LMO3: variants seen among roughly 807,000 people sequenced by gnomAD.
LMO3 encodes LIM domain only protein 3.
In LMO3, 2 loss-of-function variants were observed where a neutral mutation model predicts 15.8. The observed-to-expected ratio is 0.13, with a 90% confidence interval of 0.05 to 0.40. LMO3 has a LOEUF of 0.40. Ranked by LOEUF, LMO3 falls within the 10% of genes least tolerant of loss-of-function variation. The probability of loss-of-function intolerance (pLI) is 0.99; values close to 1 mark genes in which losing one functional copy is unlikely to be tolerated. For synonymous variants in LMO3, 62 were observed against 63.8 expected (o/e 0.97, Z 0.13); for missense variants, 86 against 182.2 (o/e 0.47, Z 3.04).
chr12:16,583,106 C>T (rs1943217045), intron 2 of LMO3, among the ~76,000 whole-genome samples: 2 of 150,258 alleles, frequency 1.3e-5, no homozygotes, highest in South Asian at 2.1e-4. Context: ...CAGTAGAAAG[C>T]TTTTAAAGAG....
At chr12:16,601,059 C>T (rs1943807797) in intron 1 of LMO3, among the ~76,000 whole-genome samples, 191 bp from the exon 2 acceptor site, 1 of 152,080 alleles carries the variant, frequency 6.6e-6, no homozygotes, top group Non-Finnish European at 1.5e-5. Context: ...TTAAATCATT[C>T]AAAAAGTTAC....
chr12:16,603,901 A>G lies in LMO3; in HGVS notation c.-9+2165T>C, dbSNP rs1352260877. Reference sequence around the variant, plus strand: ...GACACAGTCTTACATTTTTGGACTAACTACACAGAGTGAATAGAAAACATT... The same window carrying G: ...GACACAGTCTTACATTTTTGGACTAGCTACACAGAGTGAATAGAAAACATT... On this transcript the variant is annotated intron_variant, in intron 1 of 3. Transcript: ENST00000537304. This position sits in a 1 kb window ranked among gnomAD's most constrained non-coding sequence, Gnocchi z 4.9. Among the ~76,000 whole-genome samples, 1 of 152,172 alleles carries G rather than the reference A, an allele frequency of 6.6e-6. No homozygotes were observed. The highest frequency in any genetic ancestry group is 1.5e-5 in the Non-Finnish European group (1 of 68,036).
chr12:16,571,822 T>C (rs1942821172), intron 2 of LMO3, among the ~76,000 whole-genome samples: 1 of 152,072 alleles, frequency 6.6e-6, no homozygotes, highest in South Asian at 2.1e-4. Context: ...AAATCTGACT[T>C]AGTTTTCAGA....
At chr12:16,605,938 C>G in intron 1 of LMO3, 128 bp downstream of exon 1, 3 of 934,224 alleles carry the variant, frequency 3.2e-6, no homozygotes, top group Non-Finnish European at 4.9e-6. Context: ...GGTTGCAGCT[C>G]CAGTTTATGC....
Position 16,598,139 on chromosome 12 carries a change from T to C in LMO3, c.206+2516A>G, listed in dbSNP as rs1012774088. The C allele has an allele frequency of 2.8e-4, 42 of 152,174 alleles. No individual in the cohort carries two copies. The highest frequency in any genetic ancestry group is 8.9e-4 in the African/African-American group (37 of 41,568). 9.4% of individuals were successfully genotyped at this position (152,174 alleles called of 1,614,324 possible). ...ATTTACCATACAGAATCAGACTATT[T>C]TAATTTGCCAATCAGAGACATATGC... is the stretch of plus-strand genomic sequence containing the variant. On this transcript the variant is annotated intron_variant, in intron 2 of 3. Coordinates refer to ENST00000537304, the MANE Select transcript of LMO3 (RefSeq NM_018640.5). The surrounding 1 kb of genome is among the most constrained non-coding windows in gnomAD (Gnocchi z 4.3).
chr12:16,567,327 A>G (rs1472463963), intron 2 of LMO3: 4 of 154,682 alleles, frequency 2.6e-5, no homozygotes, highest in African/African-American at 9.6e-5. Context: ...GATGCCTACT[A>G]CGTGCAAGGT....
At chr12:16,569,537 G>A (rs532625802) in intron 2 of LMO3, among the ~76,000 whole-genome samples, 144 of 152,122 alleles carry the variant, frequency 9.5e-4, no homozygotes, top group Non-Finnish European at 1.7e-3. Flanking sequence ...TGCTATTTAT[G>A]ATCAGCACAG....
chr12:16,573,827 T>C (rs1365036406), intron 2 of LMO3: 1 of 152,004 alleles, frequency 6.6e-6, no homozygotes, highest in Admixed American at 6.6e-5. Context: ...ACGTTAAGTG[T>C]CGAAATCAAG....
intron 2 of LMO3, among the ~76,000 whole-genome samples, chr12:16,583,317 T>A (rs78218095): frequency 0.12 from 17,609 of 151,672 alleles, 2,175 homozygotes; most frequent in African/African-American, 0.31. Flanking sequence ...TCTTTTTTTT[T>A]AAAAAAATTA....
chr12:16,600,529 G>A, intron 2 of LMO3, 126 bp downstream of exon 2: 1 of 762,630 alleles, frequency 1.3e-6, no homozygotes, highest in Non-Finnish European at 2.1e-6. Context: ...TTTGAAGGCT[G>A]ACAGGTAACT....
intron 2 of LMO3, chr12:16,600,433 GGCA>G: frequency 1.9e-6 from 1 of 531,714 alleles, no homozygotes; most frequent in Admixed American, 3.4e-5. Context: ...TGAGTGTGCA[GGCA>G]AGCCAAATTG....
In LMO3 at chr12:16,584,591, G is replaced by T. The variant is rs556007557; in HGVS notation, c.206+16064C>A. On this transcript the variant is annotated intron_variant, in intron 2 of 3. Transcript: ENST00000537304. The surrounding 1 kb of genome is among the most constrained non-coding windows in gnomAD (Gnocchi z 5.2). Reference sequence around the variant, plus strand: ...ACATTGGCAAGTGGAGGAGTGGGGGGGGTAAGAGGCCTGTTTAGAGGTGGA... The same window carrying T: ...ACATTGGCAAGTGGAGGAGTGGGGGTGGTAAGAGGCCTGTTTAGAGGTGGA... Among the ~76,000 whole-genome samples the T allele has an allele frequency of 1.1e-3, 162 of 152,254 alleles. No homozygotes were observed. Among genetic ancestry groups the T allele is most frequent in the African/African-American group, 3.3e-3 (139 of 41,552 alleles).
chr12:16,577,445 T>A (rs1012574538), intron 2 of LMO3, among the ~76,000 whole-genome samples: 1 of 152,190 alleles, frequency 6.6e-6, no homozygotes, highest in Non-Finnish European at 1.5e-5. Flanking sequence ...GTCATCTTAT[T>A]GCATTTATTT....
rs571451874 is a variant in LMO3, at chr12:16,584,299, A to G, written c.206+16356T>C. Among the ~76,000 whole-genome samples the G allele has an allele frequency of 6.6e-6, 1 of 152,184 alleles. No individual in the cohort carries two copies. The highest frequency in any genetic ancestry group is 1.5e-5 in the Non-Finnish European group (1 of 68,040). The stretch of plus-strand genomic sequence containing the variant: ...CATGGAATGTGGGATTTACATGAGT[A>G]AGTAGTACCTTGCACCTGTTGACAG... On this transcript the variant is annotated intron_variant, in intron 2 of 3. Coordinates refer to ENST00000537304, the MANE Select transcript of LMO3 (RefSeq NM_018640.5). The surrounding 1 kb of genome is among the most constrained non-coding windows in gnomAD (Gnocchi z 5.2).
chr12:16,583,065 A>AT (rs1188274303), intron 2 of LMO3, among the ~76,000 whole-genome samples: 2 of 144,360 alleles, frequency 1.4e-5, no homozygotes, highest in Non-Finnish European at 3.1e-5. Context: ...AAAAAAAAAA[A>AT]ATCTAAACTG....
intron 2 of LMO3, among the ~76,000 whole-genome samples, chr12:16,595,121 A>C (rs1429509711): frequency 6.6e-6 from 1 of 151,456 alleles, no homozygotes; most frequent in Non-Finnish European, 1.5e-5. Context: ...TACATGTAAA[A>C]ACTATCCTGA....
intron 3 of LMO3, among the ~76,000 whole-genome samples, chr12:16,554,157 G>A (rs182376046): frequency 3.5e-4 from 54 of 152,226 alleles, no homozygotes; most frequent in African/African-American, 1.2e-3. Flanking sequence ...TAGTCTTAGA[G>A]ACTTGAGAAG....
chr12:16,574,910 G>A (rs984121935), intron 2 of LMO3, among the ~76,000 whole-genome samples: 5 of 152,080 alleles, frequency 3.3e-5, no homozygotes, highest in African/African-American at 9.7e-5. Flanking sequence ...GGCCGAGTCC[G>A]AGTCTATGTG....
At chr12:16,570,804 C>CACTT (rs1942789242) in intron 2 of LMO3, among the ~76,000 whole-genome samples, 2 of 152,274 alleles carry the variant, frequency 1.3e-5, no homozygotes, top group Admixed American at 1.3e-4. Context: ...GTTATCAAAT[C>CACTT]ACTTACCTTG....
Sources: allele counts gnomAD v4.1 joint callset (sites outside exome capture counted in the v4.1 genomes callset), GRCh38; gene constraint gnomAD v4.1.1; non-coding constraint Gnocchi (gnomAD v3.1); transcripts MANE v1.5; gene names NCBI Gene and HGNC (gene_info 2026-07-23, HGNC 2026-07-21).